Variants in ATG14 observed in about 807,000 individuals in gnomAD.
ATG14 encodes the protein beclin 1-associated autophagy-related key regulator.
Under a neutral mutation model 60.4 loss-of-function variants are expected in ATG14, and 35 were observed. The observed-to-expected ratio is 0.58, with a 90% CI of 0.44 to 0.77. ATG14 has a LOEUF of 0.77. ATG14 is among the 30% of genes least tolerant of loss of function. The pLI is 0.00. For synonymous variants in ATG14, 234 were observed against 228.8 expected, an observed-to-expected ratio of 1.02 and a Z score of -0.21; for missense variants, 647 against 626.3, an observed-to-expected ratio of 1.03 and a Z score of -0.35.
Position 55,411,661 on chromosome 14 carries a change from G to A in ATG14, c.162C>T (p.Thr54=), listed in dbSNP as rs544568691. 1.3e-4 allele frequency: 210 copies of A among 1,613,534 alleles called. 1 individual carries two copies. The South Asian group carries it at 2.2e-3, about 17-fold the overall frequency. Residue 54 remains threonine, a synonymous_variant, in exon 1 of 10, where the codon ACC becomes ACT. Coordinates refer to ENST00000247178, the MANE Select transcript of ATG14 (RefSeq NM_014924.5). ...CGCCGCTCTGAACGCATTTGGCGCA[G>A]GTCAGCCGCCGGCGGGTAGTGTTGC... ...PLCNTTRRRL[T]CAKCVQSGDF... is the part of the protein sequence containing the mutation.
intron 1 of ATG14, among the ~76,000 whole-genome samples, chr14:55,403,221 G>A (rs762770230): frequency 2.0e-5 from 3 of 151,870 alleles, no homozygotes; most frequent in Non-Finnish European, 2.9e-5. Context: ...AAATGTGAAA[G>A]CAGTGGGTAC....
rs141329297 is a variant in ATG14, at chr14:55,368,114, C to T, written c.*1505G>A. ...TTTTTTTGCAGTTATTAAAAATAAA[C>T]TACTTACATATTTGTACATAATGCC... On this transcript the variant is annotated 3_prime_UTR_variant, in exon 10 of 10. Coordinates refer to ENST00000247178, the MANE Select transcript of ATG14 (RefSeq NM_014924.5). The T allele has an allele frequency of 7.1e-6, 1 of 140,852 alleles. No homozygotes were observed. The highest frequency in any genetic ancestry group is 2.6e-5 in the African/African-American group (1 of 39,196). 8.7% of individuals were successfully genotyped at this position (140,852 alleles called of 1,614,324 possible).
Position 55,367,943 on chromosome 14 carries a change from A to C in ATG14, c.*1676T>G, listed in dbSNP as rs750882572. 1 of 152,564 alleles carries C rather than the reference A, an allele frequency of 6.6e-6. No individual in the cohort carries two copies. Among genetic ancestry groups the C allele is most frequent in the Non-Finnish European group, 1.5e-5 (1 of 68,042 alleles). The allele number at this position is 152,564 out of a possible 1,614,324, so 9.5% of individuals were successfully genotyped here. A position where few individuals can be genotyped will look rare whatever the true frequency, so the allele number is the denominator to read the frequency against. ...GACTTGGAGGCAAAGTATCAACTAC[A>C]ATTATTATGATGAGAAAAGAAGCTG... On this transcript the variant is annotated 3_prime_UTR_variant, in exon 10 of 10. Transcript: ENST00000247178.
intron 2 of ATG14, 92 bp from the exon 3 acceptor site, chr14:55,396,074 CT>C: frequency 1.1e-6 from 1 of 929,872 alleles, no homozygotes; most frequent in Non-Finnish European, 1.6e-6. Flanking sequence ...AAATTAAGTC[CT>C]TAGAAATGGC....
chr14:55,374,941 T>C (rs570882372), intron 9 of ATG14, among the ~76,000 whole-genome samples: 21 of 152,370 alleles, frequency 1.4e-4, no homozygotes, highest in African/African-American at 4.8e-4. Context: ...TCCCTCATTA[T>C]TGTTTTCAAA....
chr14:55,377,638 CA>C lies in ATG14; in HGVS notation c.1172+180del, dbSNP rs1326778878. Among the ~76,000 whole-genome samples the C allele has an allele frequency of 5.3e-5, 8 of 151,600 alleles. No homozygotes were observed. In the East Asian group the frequency reaches 1.2e-3, roughly 22 times the overall value. On this transcript the variant is annotated intron_variant, in intron 9 of 9. Transcript: ENST00000247178. The stretch of plus-strand genomic sequence containing the variant: ...ATTAATTTTTTCTAAGACATGATTA[CA>C]AAAAAAACCCATAAAAGTTCAAATA...
chr14:55,402,957 ATATATATATAT>A lies in ATG14; in HGVS notation c.222-5534_222-5524del, dbSNP rs1566585750. ...TATATATATATATATATATATATAT[ATATATATATAT>A]AAATAGCTGGGCATAGTGGTGCATG... On this transcript the variant is annotated intron_variant, in intron 1 of 9. Coordinates refer to ENST00000247178, the MANE Select transcript of ATG14 (RefSeq NM_014924.5). Among the ~76,000 whole-genome samples the A allele has an allele frequency of 9.8e-3, 743 of 76,092 alleles. 19 individuals carry two copies. The highest frequency in any genetic ancestry group is 0.028 in the Middle Eastern group (5 of 178). The allele number at this position is 76,092 out of a possible 152,430, so 49.9% of individuals were successfully genotyped here.
intron 1 of ATG14, among the ~76,000 whole-genome samples, chr14:55,398,141 C>T (rs560879603): frequency 4.6e-5 from 7 of 151,932 alleles, no homozygotes; most frequent in East Asian, 1.9e-4. Context: ...TTAGTAGAGA[C>T]GGGGTTTCAC....
intron 1 of ATG14, among the ~76,000 whole-genome samples, chr14:55,409,324 A>G (rs1885535474): frequency 6.6e-6 from 1 of 152,222 alleles, no homozygotes; most frequent in Admixed American, 6.5e-5. Context: ...CAATCATTCC[A>G]TAAATCTTTA....
chr14:55,381,979 T>A lies in ATG14; in HGVS notation c.860A>T (p.Lys287Ile). 3 of 1,614,154 alleles carry A rather than the reference T, an allele frequency of 1.9e-6. No homozygotes were observed. The highest frequency in any genetic ancestry group is 2.5e-6 in the Non-Finnish European group (3 of 1,179,984). Residue 287 changes from lysine (K) to isoleucine (I), a missense_variant, in exon 6 of 10, where the codon AAA becomes ATA. By Grantham distance (102) the Lys-to-Ile change is moderately radical. Transcript: ENST00000247178. ...SAYYSWVEEK[K>I]TTQGPDMEQS... ...CTTCTCACCAGGCCCCTGGGTTGTT[T>A]TCTTCTCCTCCACCCAGCTGTAGTA...
chr14:55,392,574 A>G (rs1354535543), intron 3 of ATG14, among the ~76,000 whole-genome samples: 1 of 150,682 alleles, frequency 6.6e-6, no homozygotes, highest in Non-Finnish European at 1.5e-5. Context: ...GCTTGAGCCC[A>G]GGAGGCAGAG....
Position 55,411,765 on chromosome 14 carries a change from G to A in ATG14, c.58C>T (p.Arg20Trp), listed in dbSNP as rs751323367. The change falls in exon 1 of 10, where the codon CGG becomes TGG. Residue 20 changes from arginine (R) to tryptophan (W), a missense_variant. Arg to Trp is a moderately radical substitution (Grantham distance 101, BLOSUM62 -3). Transcript: ENST00000247178. ...TCCACCAGGTCCCGGGCGAGCGGCC[G>A]GGGCCCGCAGCCAGGAGCCTCCAGC... ...RALEAPGCGP[R>W]PLARDLVDSV... is the part of the protein sequence containing the mutation. The A allele has an allele frequency of 6.2e-7, 1 of 1,605,810 alleles. No homozygotes were observed. Among genetic ancestry groups the A allele is most frequent in the Non-Finnish European group, 8.5e-7 (1 of 1,176,820 alleles).
At chr14:55,378,181 T>C in intron 7 of ATG14, 107 bp from the exon 8 acceptor site, 2 of 847,156 alleles carry the variant, frequency 2.4e-6, no homozygotes, top group South Asian at 1.7e-5. Flanking sequence ...TGTGCCCTTT[T>C]ACTCCTTAGT....
intron 7 of ATG14, among the ~76,000 whole-genome samples, chr14:55,379,397 C>G (rs1170164198): frequency 6.6e-6 from 1 of 151,794 alleles, no homozygotes; most frequent in Non-Finnish European, 1.5e-5. Context: ...AAAAAATTAG[C>G]CAGGTGTGGT....
At chr14:55,381,372 C>T (rs1013726947) in intron 6 of ATG14, among the ~76,000 whole-genome samples, 1 of 152,158 alleles carries the variant, frequency 6.6e-6, no homozygotes, top group African/African-American at 2.4e-5. Context: ...ACTACTAAAA[C>T]ACATTACAAA....
intron 1 of ATG14, among the ~76,000 whole-genome samples, chr14:55,399,975 A>G (rs1238751111): frequency 6.6e-6 from 1 of 152,270 alleles, no homozygotes; most frequent in Non-Finnish European, 1.5e-5. Context: ...CAAACAAAAG[A>G]TAAGTCCTAG....
In ATG14 at chr14:55,367,317, C is replaced by CGTTAA. The variant is rs1415832190; in HGVS notation, c.*2297_*2301dup. 2.6e-5 allele frequency: 4 copies of CGTTAA among 152,164 alleles called. No individual in the cohort carries two copies. The highest frequency in any genetic ancestry group is 2.9e-5 in the Non-Finnish European group (2 of 68,032). The allele number at this position is 152,164 out of a possible 1,614,324, so 9.4% of individuals were successfully genotyped here. ...AGTAGCTAGACAACTCTTACAAGAT[C>CGTTAA]GTTAAGTTTATTTATCTGTTCAAGT... On this transcript the variant is annotated 3_prime_UTR_variant, in exon 10 of 10. Transcript: ENST00000247178.
chr14:55,375,326 GTTTATC>G, intron 9 of ATG14, among the ~76,000 whole-genome samples: 1 of 152,008 alleles, frequency 6.6e-6, no homozygotes, highest in Non-Finnish European at 1.5e-5. Context: ...TTTTTTGTAT[GTTTATC>G]TTTTTCTTTG....
In ATG14 at chr14:55,382,139, CAGTGCT is replaced by C; in HGVS notation, c.694_699del (p.Ser232_Thr233del). 1 of 1,614,124 alleles carries C rather than the reference CAGTGCT, an allele frequency of 6.2e-7. No homozygotes were observed. The highest frequency in any genetic ancestry group is 8.5e-7 in the Non-Finnish European group (1 of 1,180,026). On this transcript the variant is annotated inframe_deletion, in exon 6 of 10. Coordinates refer to ENST00000247178, the MANE Select transcript of ATG14 (RefSeq NM_014924.5). ...CTCCGGGCTTCAGCAAGCTTGCTCA[CAGTGCT>C]GGAGGTCATGGCACTGTCACTCTCT... is the stretch of plus-strand genomic sequence containing the variant.
Sources: allele counts gnomAD v4.1 joint callset (sites outside exome capture counted in the v4.1 genomes callset), GRCh38; gene constraint gnomAD v4.1.1; transcripts MANE v1.5; gene names NCBI Gene and HGNC (gene_info 2026-07-23, HGNC 2026-07-21).